The following TEC variants were observed in gnomAD, a reference collection of about 807,000 sequenced individuals.
The protein encoded by TEC is tec protein tyrosine kinase.
A neutral mutation model predicts 93.0 loss-of-function variants in TEC; 72 were observed. The ratio of observed to expected loss-of-function variants is 0.77; its 90% CI spans 0.64 to 0.94. TEC has a LOEUF of 0.94. Ranked by LOEUF, TEC falls within the 40% of genes least tolerant of loss-of-function variation. The probability of loss-of-function intolerance (pLI) is 0.00; values close to 1 mark genes in which losing one functional copy is unlikely to be tolerated. For synonymous variants in TEC, 249 were observed against 247.7 expected (o/e 1.01, Z -0.05); for missense variants, 630 against 757.9 (o/e 0.83, Z 1.98).
intron 8 of TEC, among the ~76,000 whole-genome samples, chr4:48,158,725 A>G (rs1720501380): frequency 6.6e-6 from 1 of 152,242 alleles, no homozygotes; most frequent in African/African-American, 2.4e-5. Context: ...TCTCAAGAGG[A>G]AACCAAACAT....
chr4:48,225,064 C>A (rs533062277), intron 2 of TEC, among the ~76,000 whole-genome samples: 1 of 152,218 alleles, frequency 6.6e-6, no homozygotes, highest in South Asian at 2.1e-4. Flanking sequence ...TTCTGAATGG[C>A]CCCTGTGGTT....
At chr4:48,202,115 C>T (rs1331494741) in intron 2 of TEC, among the ~76,000 whole-genome samples, 2 of 151,972 alleles carry the variant, frequency 1.3e-5, no homozygotes, top group Non-Finnish European at 2.9e-5. Flanking sequence ...CGTACTGTGG[C>T]TTATTTTAAG....
At chr4:48,253,851 T>A (rs1724272476) in intron 1 of TEC, among the ~76,000 whole-genome samples, 1 of 152,024 alleles carries the variant, frequency 6.6e-6, no homozygotes, top group African/African-American at 2.4e-5. Context: ...GCTGGTATTA[T>A]AGGCGTGAGC....
At chr4:48,262,832 T>G (rs545513387) in intron 1 of TEC, among the ~76,000 whole-genome samples, 1 of 152,318 alleles carries the variant, frequency 6.6e-6, no homozygotes, top group East Asian at 1.9e-4. Flanking sequence ...AAGTAATTGT[T>G]GCACCCACTC....
At chr4:48,174,791 A>C (rs773405575) in intron 3 of TEC, among the ~76,000 whole-genome samples, 1 of 152,212 alleles carries the variant, frequency 6.6e-6, no homozygotes, top group African/African-American at 2.4e-5. Context: ...GTGTAATATT[A>C]GGTGTAATAT....
intron 1 of TEC, among the ~76,000 whole-genome samples, chr4:48,257,846 A>G (rs901843301): frequency 4.6e-5 from 7 of 152,164 alleles, no homozygotes; most frequent in Non-Finnish European, 7.3e-5. Context: ...ATTTTCCTCA[A>G]TCTTCTATAC....
chr4:48,195,856 T>C (rs1184853584), intron 2 of TEC, among the ~76,000 whole-genome samples: 2 of 152,206 alleles, frequency 1.3e-5, no homozygotes, highest in African/African-American at 4.8e-5. Context: ...TGTTGCAGAA[T>C]ATCTGGCCAT....
intron 1 of TEC, among the ~76,000 whole-genome samples, chr4:48,231,520 GC>G (rs1476878123): frequency 2.6e-5 from 4 of 152,100 alleles, no homozygotes; most frequent in Non-Finnish European, 5.9e-5. Flanking sequence ...ACTTTGGGAG[GC>G]CGACGCAGGC....
intron 8 of TEC, among the ~76,000 whole-genome samples, chr4:48,157,421 T>C (rs1248702232): frequency 3.3e-5 from 5 of 152,224 alleles, no homozygotes; most frequent in Admixed American, 1.3e-4. Flanking sequence ...CAAGACTCTA[T>C]TGTAGAAATG....
At chr4:48,176,942 A>T (rs1347847173) in intron 2 of TEC, among the ~76,000 whole-genome samples, 1 of 152,234 alleles carries the variant, frequency 6.6e-6, no homozygotes, top group Non-Finnish European at 1.5e-5. Context: ...CAGTAGAGGC[A>T]GCACACAGAA....
chr4:48,137,144 C>G lies in TEC; in HGVS notation c.*272G>C. 1 of 438,532 alleles carries G rather than the reference C, an allele frequency of 2.3e-6. No homozygotes were observed. Among genetic ancestry groups the G allele is most frequent in the Non-Finnish European group, 4.1e-6 (1 of 243,526 alleles). 27.2% of individuals were successfully genotyped at this position (438,532 alleles called of 1,614,324 possible). On this transcript the variant is annotated 3_prime_UTR_variant, in exon 18 of 18. Transcript: ENST00000381501. ...AATGGCCAAACCCTGGGGCTACACA[C>G]AGTGCCTGGTAAACAACTGTCACTC...
chr4:48,258,589 A>G (rs905697841), intron 1 of TEC, among the ~76,000 whole-genome samples: 2 of 152,172 alleles, frequency 1.3e-5, no homozygotes, highest in African/African-American at 4.8e-5. Flanking sequence ...GTTCAACCAT[A>G]TCTGTATTCT....
intron 2 of TEC, among the ~76,000 whole-genome samples, chr4:48,179,361 T>TAC (rs1721477440): frequency 1.4e-4 from 6 of 44,024 alleles, no homozygotes; most frequent in Admixed American, 1.3e-3. Flanking sequence ...TATATATATA[T>TAC]ATATATATAT....
intron 8 of TEC, among the ~76,000 whole-genome samples, chr4:48,159,706 G>A (rs979390518): frequency 3.9e-5 from 6 of 152,012 alleles, no homozygotes; most frequent in African/African-American, 1.2e-4. Context: ...CCGCCACCAC[G>A]CCCAGCTAAC....
At chr4:48,168,463 G>A (rs1720965878) in intron 6 of TEC, 123 bp downstream of exon 6, 3 of 1,025,146 alleles carry the variant, frequency 2.9e-6, no homozygotes, top group South Asian at 2.9e-5. Context: ...GACGATCCTA[G>A]GGAAAAATTG....
chr4:48,188,173 CAATG>C (rs922746070), intron 2 of TEC, among the ~76,000 whole-genome samples: 1 of 152,118 alleles, frequency 6.6e-6, no homozygotes, highest in Non-Finnish European at 1.5e-5. Context: ...GACTGAAAAA[CAATG>C]AAGCCATTAA....
chr4:48,183,089 T>C (rs1468853629), intron 2 of TEC, among the ~76,000 whole-genome samples: 1 of 152,148 alleles, frequency 6.6e-6, no homozygotes, highest in Non-Finnish European at 1.5e-5. Flanking sequence ...CATGTCTGCA[T>C]TGCAAGAGGA....
chr4:48,232,944 T>C (rs1190831135), intron 1 of TEC, among the ~76,000 whole-genome samples: 1 of 152,140 alleles, frequency 6.6e-6, no homozygotes, highest in African/African-American at 2.4e-5. Context: ...TGTTGGCAAA[T>C]CAGTTTAATA....
At chr4:48,166,669 A>C (rs1720883930) in intron 7 of TEC, among the ~76,000 whole-genome samples, 1 of 152,022 alleles carries the variant, frequency 6.6e-6, no homozygotes, top group Non-Finnish European at 1.5e-5. Context: ...ACTATTATAT[A>C]CTTTTTGGAT....
Sources: allele counts gnomAD v4.1 joint callset (sites outside exome capture counted in the v4.1 genomes callset), GRCh38; gene constraint gnomAD v4.1.1; transcripts MANE v1.5; gene names NCBI Gene and HGNC (gene_info 2026-07-23, HGNC 2026-07-21).